Variants in MSRA observed in about 807,000 individuals in gnomAD.
The protein encoded by MSRA is methionine sulfoxide reductase A, also known as mitochondrial peptide methionine sulfoxide reductase.
MSRA carries 54 observed loss-of-function variants against 31.3 expected under a neutral mutation model. That is an observed-to-expected ratio of 1.73 (90% CI 1.39 to 2.17). The LOEUF is 2.17. Among genes scored for constraint, MSRA ranks in the 30% most tolerant of loss-of-function variants. MSRA has a pLI of 0.00. For missense variants in MSRA, 507 were observed against 300.9 expected, an observed-to-expected ratio of 1.69 and a Z score of -5.07; for synonymous variants, 169 against 116.5, an observed-to-expected ratio of 1.45 and a Z score of -2.90.
intron 1 of MSRA, among the ~76,000 whole-genome samples, chr8:10,115,649 A>G (rs1019067655): frequency 3.9e-5 from 6 of 152,198 alleles, no homozygotes; most frequent in African/African-American, 1.4e-4. Flanking sequence ...GATTGATGCC[A>G]TGAGCTGTGT....
intron 5 of MSRA, among the ~76,000 whole-genome samples, chr8:10,394,471 C>T (rs1446658387): frequency 1.3e-5 from 2 of 152,250 alleles, no homozygotes; most frequent in Non-Finnish European, 2.9e-5. Context: ...AATAATTGCA[C>T]ACGTTTTCTC....
intron 3 of MSRA, 27 bp downstream of exon 3, chr8:10,245,250 A>G (rs779002105): frequency 1.9e-6 from 3 of 1,606,062 alleles, no homozygotes; most frequent in Non-Finnish European, 2.6e-6. Flanking sequence ...TTATTGTATT[A>G]CTAGGAGAAA....
intron 1 of MSRA, among the ~76,000 whole-genome samples, chr8:10,057,185 G>A (rs941943064): frequency 1.3e-5 from 2 of 152,170 alleles, no homozygotes; most frequent in Non-Finnish European, 2.9e-5. Flanking sequence ...AACTGAACCT[G>A]CCCTGGACTG....
intron 3 of MSRA, among the ~76,000 whole-genome samples, chr8:10,255,524 T>C (rs1465247991): frequency 2.0e-5 from 3 of 152,202 alleles, no homozygotes; most frequent in Non-Finnish European, 4.4e-5. Flanking sequence ...TGCTGGCGAC[T>C]GTCACACCAG....
intron 5 of MSRA, among the ~76,000 whole-genome samples, chr8:10,423,908 C>T (rs1352505959): frequency 7.7e-6 from 1 of 130,546 alleles, no homozygotes; most frequent in Non-Finnish European, 1.8e-5. Context: ...AGTTCATTTT[C>T]TCATTCATTC....
rs373211530 is a variant in MSRA, at chr8:10,120,693, G to A, written c.142+66035G>A. Among the ~76,000 whole-genome samples, 354 of 152,314 alleles carry A rather than the reference G, an allele frequency of 2.3e-3. 7 individuals are homozygous for A. The South Asian group carries it at 0.067, about 29-fold the overall frequency. ...GGGGAGATGATCATGTAAACAAATC[G>A]TATAATTAAAGCGAAGCCTGGTGAA... On this transcript the variant is annotated intron_variant, in intron 1 of 5. Coordinates refer to ENST00000317173, the MANE Select transcript of MSRA (RefSeq NM_012331.5).
At chr8:10,231,204 G>C (rs1352437250) in intron 2 of MSRA, among the ~76,000 whole-genome samples, 1 of 151,758 alleles carries the variant, frequency 6.6e-6, no homozygotes, top group Non-Finnish European at 1.5e-5. Flanking sequence ...AGGGAGGAGG[G>C]CTGCAGTGAG....
At chr8:10,163,011 G>A (rs1804797018) in intron 1 of MSRA, among the ~76,000 whole-genome samples, 1 of 152,118 alleles carries the variant, frequency 6.6e-6, no homozygotes, top group South Asian at 2.1e-4. Flanking sequence ...GGGGCTCTGG[G>A]AGGTGATTTG....
chr8:10,302,075 G>A (rs1471865131), intron 4 of MSRA, among the ~76,000 whole-genome samples: 1 of 152,202 alleles, frequency 6.6e-6, no homozygotes, highest in African/African-American at 2.4e-5. Context: ...TTAAAAAAAT[G>A]TATGTGGTGA....
At chr8:10,109,656 G>A (rs746096096) in intron 1 of MSRA, among the ~76,000 whole-genome samples, 18 of 152,190 alleles carry the variant, frequency 1.2e-4, no homozygotes, top group Middle Eastern at 3.4e-3. Flanking sequence ...TTCTTATGAT[G>A]TATTTTTAGC....
intron 1 of MSRA, among the ~76,000 whole-genome samples, chr8:10,080,400 AG>A (rs1468228056): frequency 6.6e-6 from 1 of 151,678 alleles, no homozygotes; most frequent in Admixed American, 6.6e-5. Context: ...GTTGAAACTC[AG>A]GCAGTTTGGA....
intron 5 of MSRA, among the ~76,000 whole-genome samples, chr8:10,382,375 C>G (rs1211735241): frequency 2.0e-5 from 3 of 152,180 alleles, no homozygotes; most frequent in Admixed American, 2.0e-4. Context: ...ATCTCCCAAC[C>G]CACACTGCTG....
intron 5 of MSRA, among the ~76,000 whole-genome samples, chr8:10,343,719 A>G (rs192067773): frequency 9.8e-5 from 15 of 152,352 alleles, no homozygotes; most frequent in Non-Finnish European, 2.1e-4. Flanking sequence ...TTCTGCTGAA[A>G]AAATTTTAAT....
intron 3 of MSRA, among the ~76,000 whole-genome samples, chr8:10,290,119 A>C (rs61456761): frequency 0.16 from 25,016 of 152,140 alleles, 2,145 homozygotes; most frequent in African/African-American, 0.19. Context: ...GAAAAACTCA[A>C]TGTGGTTCTT....
At chr8:10,137,149 C>T (rs766720259) in intron 1 of MSRA, among the ~76,000 whole-genome samples, 3 of 152,172 alleles carry the variant, frequency 2.0e-5, no homozygotes, top group Non-Finnish European at 4.4e-5. Flanking sequence ...TTTGCTGGGA[C>T]GATGGGTGGC....
intron 2 of MSRA, among the ~76,000 whole-genome samples, chr8:10,209,535 T>TTTTTATTTTA (rs562711631): frequency 6.6e-6 from 1 of 152,136 alleles, no homozygotes; most frequent in African/African-American, 2.4e-5. Context: ...TTCTTTCTAT[T>TTTTTATTTTA]TTTTATTTTA....
chr8:10,181,306 A>T (rs978391542), intron 1 of MSRA, among the ~76,000 whole-genome samples: 1 of 152,172 alleles, frequency 6.6e-6, no homozygotes, highest in Non-Finnish European at 1.5e-5. Flanking sequence ...AAATATCTGC[A>T]GGAGAAATGT....
intron 1 of MSRA, among the ~76,000 whole-genome samples, chr8:10,074,431 A>G (rs6983566): frequency 0.57 from 86,207 of 151,858 alleles, 26,037 homozygotes; most frequent in Middle Eastern, 0.69. Flanking sequence ...TGTTGCTTTC[A>G]CTGAAAAGAG....
chr8:10,336,419 GA>G (rs897750319), intron 5 of MSRA, among the ~76,000 whole-genome samples: 49 of 145,714 alleles, frequency 3.4e-4, no homozygotes, highest in Non-Finnish European at 5.9e-4. Flanking sequence ...ACATGTGATA[GA>G]AAAAAAAAAT....
Sources: allele counts gnomAD v4.1 joint callset (sites outside exome capture counted in the v4.1 genomes callset), GRCh38; gene constraint gnomAD v4.1.1; transcripts MANE v1.5; gene names NCBI Gene and HGNC (gene_info 2026-07-23, HGNC 2026-07-21).